Variants in SNTB1 observed in about 807,000 individuals in gnomAD.
The protein encoded by SNTB1 is beta-1-syntrophin.
A neutral mutation model predicts 48.9 loss-of-function variants in SNTB1; 36 were observed. That is an observed-to-expected ratio of 0.74 (90% CI 0.56 to 0.97). The LOEUF is 0.97. Among genes scored for constraint, SNTB1 ranks in the 50% least tolerant of loss-of-function variants. The pLI is 0.00. For missense variants in SNTB1, 786 were observed against 703.4 expected (o/e 1.12, Z -1.33); for synonymous variants, 299 against 294.6 (o/e 1.01, Z -0.15).
At chr8:120,624,517 G>T (rs1398212889) in intron 3 of SNTB1, among the ~76,000 whole-genome samples, 2 of 152,052 alleles carry the variant, frequency 1.3e-5, no homozygotes, top group East Asian at 1.9e-4. Flanking sequence ...TCTCTTAAAG[G>T]TCCCATCAAT....
intron 2 of SNTB1, among the ~76,000 whole-genome samples, chr8:120,644,534 T>C (rs921968005): frequency 4.6e-5 from 7 of 152,198 alleles, no homozygotes; most frequent in Non-Finnish European, 8.8e-5. Flanking sequence ...GGTGTATATG[T>C]GCCACATTTT....
intron 3 of SNTB1, among the ~76,000 whole-genome samples, chr8:120,630,172 CTG>C (rs1247381256): frequency 6.6e-6 from 1 of 152,240 alleles, no homozygotes; most frequent in East Asian, 1.9e-4. Flanking sequence ...CCATCCTTCT[CTG>C]TACCCTGGAA....
chr8:120,571,398 T>C, intron 4 of SNTB1: 1 of 1,215,742 alleles, frequency 8.2e-7, no homozygotes, highest in South Asian at 1.3e-5. Flanking sequence ...CAATAGCGAT[T>C]GGGCCGAATT....
chr8:120,811,999 C>G lies in SNTB1; in HGVS notation c.-156G>C. 7.9e-7 allele frequency: 1 copy of G among 1,268,206 alleles called. No individual in the cohort carries two copies. The highest frequency in any genetic ancestry group is 9.9e-7 in the Non-Finnish European group (1 of 1,012,642). The allele number at this position is 1,268,206 out of a possible 1,614,324, so 78.6% of individuals were successfully genotyped here. On this transcript the variant is annotated 5_prime_UTR_variant, in exon 1 of 7. Coordinates refer to ENST00000517992, the MANE Select transcript of SNTB1 (RefSeq NM_021021.4). ...ACTCCGCTCCGGGAGTTCGCAGACG[C>G]ACTCGGCGGGAGTTGGCAGCTGCAC...
At chr8:120,564,327 T>C (rs1815714091) in intron 4 of SNTB1, among the ~76,000 whole-genome samples, 1 of 151,914 alleles carries the variant, frequency 6.6e-6, no homozygotes, top group South Asian at 2.1e-4. Context: ...TCTCCCTCCA[T>C]GCACGCAGAA....
chr8:120,688,420 T>C (rs1818069391), intron 2 of SNTB1, among the ~76,000 whole-genome samples: 1 of 152,194 alleles, frequency 6.6e-6, no homozygotes, highest in South Asian at 2.1e-4. Context: ...AGCAGATAAA[T>C]ATACTATTTA....
At chr8:120,720,544 C>G (rs1182397099) in intron 1 of SNTB1, among the ~76,000 whole-genome samples, 1 of 152,240 alleles carries the variant, frequency 6.6e-6, no homozygotes, top group African/African-American at 2.4e-5. Context: ...AAATTACCGG[C>G]TTTCCCTTTC....
chr8:120,611,049 G>C (rs1479600359), intron 3 of SNTB1, among the ~76,000 whole-genome samples: 1 of 152,222 alleles, frequency 6.6e-6, no homozygotes, highest in African/African-American at 2.4e-5. Context: ...AGAGGTGGTG[G>C]TGGCAGTGGT....
chr8:120,693,039 G>C (rs1818154032), intron 2 of SNTB1, among the ~76,000 whole-genome samples: 1 of 152,168 alleles, frequency 6.6e-6, no homozygotes, highest in Non-Finnish European at 1.5e-5. Context: ...ACTCATGGTG[G>C]AAGGGGCAGG....
At position 120,575,146 on chromosome 8, in the gene SNTB1, A is replaced by G. The variant is rs760385622; in HGVS notation, c.1076T>C (p.Met359Thr). 6.2e-7 allele frequency: 1 copy of G among 1,614,200 alleles called. No homozygotes were observed. The highest frequency in any genetic ancestry group is 8.5e-7 in the Non-Finnish European group (1 of 1,180,026). Residue 359 changes from methionine to threonine, a missense_variant, in exon 4 of 7, where the codon ATG (methionine) becomes ACG (threonine). Transcript: ENST00000517992. ...GAACCAGGCTTCCTTCCTCCGTGGCATGCTGTCATAGATTAAAAGGTCTTT... is the reference window on the plus strand; with the variant it reads ...GAACCAGGCTTCCTTCCTCCGTGGCGTGCTGTCATAGATTAAAAGGTCTTT... ...TEKDLLIYDS[M>T]PRRKEAWFSP... is the part of the protein sequence containing the mutation.
At chr8:120,797,574 G>A (rs74651981) in intron 1 of SNTB1, among the ~76,000 whole-genome samples, 1 of 12,928 alleles carries the variant, frequency 7.7e-5, no homozygotes, top group East Asian at 2.4e-3. Context: ...TTTTTTTTTT[G>A]TCCAAATCCT....
intron 1 of SNTB1, among the ~76,000 whole-genome samples, chr8:120,754,660 C>T (rs2130044539): frequency 6.6e-6 from 1 of 151,330 alleles, no homozygotes; most frequent in East Asian, 1.9e-4. Context: ...TATATGAAGG[C>T]AAAGCGAATG....
rs758556214 is a variant in SNTB1, at chr8:120,811,809, G to T, written c.35C>A (p.Pro12Gln). The T allele has an allele frequency of 1.2e-5, 17 of 1,371,732 alleles. No individual in the cohort carries two copies. In the South Asian group the frequency reaches 3.3e-4, roughly 26 times the overall value. 85.0% of individuals were successfully genotyped at this position (1,371,732 alleles called of 1,614,324 possible). Reference sequence around the variant, plus strand: ...CGCCCGGCCGCCTCCCGCGCCAGCCGGCCCAGCCGCCGCCGCCGCCGCCGC... The same window carrying T: ...CGCCCGGCCGCCTCCCGCGCCAGCCTGCCCAGCCGCCGCCGCCGCCGCCGC... ...AVAAAAAAAGPAGAGGGRAQR... is the reference protein window; with the variant it reads ...AVAAAAAAAGQAGAGGGRAQR... The change falls in exon 1 of 7, where the codon CCG becomes CAG. Residue 12 changes from proline to glutamine, a missense_variant. Pro to Gln is a moderately conservative substitution (Grantham distance 76, BLOSUM62 -1). Coordinates refer to ENST00000517992, the MANE Select transcript of SNTB1 (RefSeq NM_021021.4).
At chr8:120,638,222 G>A (rs1410587784) in intron 2 of SNTB1, 1 of 152,148 alleles carries the variant, frequency 6.6e-6, no homozygotes, top group Non-Finnish European at 1.5e-5. Flanking sequence ...GGATTTTCAT[G>A]GTTGGTGGAT....
At chr8:120,798,163 T>A (rs1457580661) in intron 1 of SNTB1, among the ~76,000 whole-genome samples, 1 of 152,044 alleles carries the variant, frequency 6.6e-6, no homozygotes, top group Non-Finnish European at 1.5e-5. Context: ...CTACAGTTAA[T>A]GACCAGCCTT....
intron 1 of SNTB1, among the ~76,000 whole-genome samples, chr8:120,783,204 A>T (rs1819858512): frequency 6.6e-6 from 1 of 152,074 alleles, no homozygotes; most frequent in African/African-American, 2.4e-5. Context: ...TTCCAAATAC[A>T]CTACTTCTCA....
At chr8:120,649,142 C>A (rs1304109397) in intron 2 of SNTB1, among the ~76,000 whole-genome samples, 1 of 150,018 alleles carries the variant, frequency 6.7e-6, no homozygotes. Flanking sequence ...GTAATTTGAT[C>A]GTCTGAAGCC....
rs1389437455 is a variant in SNTB1 at position 120,632,632 on chromosome 8, G to A, written c.808C>T (p.Pro270Ser). 1 of 1,614,164 alleles carries A rather than the reference G, an allele frequency of 6.2e-7. No homozygotes were observed. The highest frequency in any genetic ancestry group is 8.5e-7 in the Non-Finnish European group (1 of 1,180,026). Residue 270 changes from proline to serine, a missense_variant, in exon 3 of 7, where the codon CCA becomes TCA. By Grantham distance (74) the Pro-to-Ser change is moderately conservative (BLOSUM62 -1). Coordinates refer to ENST00000517992, the MANE Select transcript of SNTB1 (RefSeq NM_021021.4). The stretch of plus-strand genomic sequence containing the variant: ...AGGATCACCGTGTGCTTAGCATCTG[G>A]AGAGTGGATTTCAAGCTGCCTAGAG... ...PENRQLEIHS[P>S]DAKHTVILRS...
intron 2 of SNTB1, chr8:120,655,031 T>C (rs1397788260): frequency 2.2e-6 from 1 of 454,694 alleles, no homozygotes. Context: ...GTGATTCCTA[T>C]GGCTGATGAA....
Sources: gnomAD v4.1 joint callset for allele counts (sites outside exome capture counted in the v4.1 genomes callset) on GRCh38, gnomAD v4.1.1 for gene constraint, MANE v1.5 for transcripts, NCBI Gene and HGNC (gene_info 2026-07-23, HGNC 2026-07-21) for gene names.